Variants in TMEM184B observed in about 807,000 individuals in gnomAD.
TMEM184B encodes the protein transmembrane protein 184B.
A neutral mutation model predicts 41.8 loss-of-function variants in TMEM184B; 17 were observed. That is an observed-to-expected ratio of 0.41 (90% CI 0.28 to 0.61). The LOEUF (loss-of-function observed/expected upper bound fraction) is 0.61. Ranked by LOEUF, TMEM184B falls within the 20% of genes least tolerant of loss-of-function variation. TMEM184B has a pLI of 0.34. For synonymous variants in TMEM184B, 240 were observed against 229.5 expected (o/e 1.05, Z -0.41); for missense variants, 393 against 557.8 (o/e 0.70, Z 2.98).
At position 38,219,899 on chromosome 22, in the gene TMEM184B, T is replaced by C; in HGVS notation, c.*1570A>G. 1 of 985,382 alleles carries C rather than the reference T, an allele frequency of 1.0e-6. No homozygotes were observed. The highest frequency in any genetic ancestry group is 1.2e-6 in the Non-Finnish European group (1 of 829,936). 61.0% of individuals were successfully genotyped at this position (985,382 alleles called of 1,614,324 possible). A position where few individuals can be genotyped will look rare whatever the true frequency, so the allele number is the denominator to read the frequency against. On this transcript the variant is annotated 3_prime_UTR_variant, in exon 9 of 9. Transcript: ENST00000361906. ...GGCCTCTGGCACCCACATGCAGGCC[T>C]CTGCCACGAGGAAAGGAAGGAGGCC... is the stretch of plus-strand genomic sequence containing the variant.
At chr22:38,262,888 CTTATGT>C (rs1266151839) in intron 1 of TMEM184B, among the ~76,000 whole-genome samples, 1 of 152,104 alleles carries the variant, frequency 6.6e-6, no homozygotes, top group Non-Finnish European at 1.5e-5. Flanking sequence ...GGTTACAGTC[CTTATGT>C]TTTTAATTTA....
intron 3 of TMEM184B, among the ~76,000 whole-genome samples, chr22:38,241,756 C>T (rs1352288755): frequency 6.6e-6 from 1 of 150,958 alleles, no homozygotes; most frequent in Non-Finnish European, 1.5e-5. Context: ...TGGTGGCGGG[C>T]GCCTGTAGTC....
At position 38,224,770 on chromosome 22, in the gene TMEM184B, G is replaced by A. The variant is rs574412053; in HGVS notation, c.982+15C>T. 6.7e-5 allele frequency: 106 copies of A among 1,574,170 alleles called. No individual in the cohort carries two copies. In the Admixed American group the frequency reaches 1.4e-3, roughly 20 times the overall value. On this transcript the variant is annotated intron_variant, in intron 8 of 8. Transcript: ENST00000361906. ...GCTTCTCCCAGCGGGGGTCGCCTAGGACCCTGGCTCATACCTTGTGCGTCC... is the reference window on the plus strand; with the variant it reads ...GCTTCTCCCAGCGGGGGTCGCCTAGAACCCTGGCTCATACCTTGTGCGTCC...
chr22:38,222,838 GAA>G (rs2091300655), intron 8 of TMEM184B: 2 of 402,502 alleles, frequency 5.0e-6, no homozygotes, highest in Non-Finnish European at 6.7e-6. Context: ...GGGCACCCAG[GAA>G]GCTCCAGGTG....
chr22:38,250,751 C>A (rs1478811333), intron 1 of TMEM184B, among the ~76,000 whole-genome samples: 1 of 152,188 alleles, frequency 6.6e-6, no homozygotes, highest in Non-Finnish European at 1.5e-5. Flanking sequence ...AAACCCCCAG[C>A]TTGGACTCCC....
chr22:38,231,381 G>T, intron 3 of TMEM184B, 47 bp from the exon 4 acceptor site: 1 of 1,459,330 alleles, frequency 6.9e-7, no homozygotes, highest in Non-Finnish European at 9.6e-7. Context: ...AGCAGAATGG[G>T]TCCGCAGATG....
At chr22:38,240,732 C>CA (rs550793359) in intron 3 of TMEM184B, among the ~76,000 whole-genome samples, 3,504 of 66,218 alleles carry the variant, frequency 0.053, 14 homozygotes, top group East Asian at 0.077. Context: ...GAAAAAAAGG[C>CA]AAAAAAAAAA....
In TMEM184B at chr22:38,220,143, C is replaced by G. The variant is rs1336266428; in HGVS notation, c.*1326G>C. On this transcript the variant is annotated 3_prime_UTR_variant, in exon 9 of 9. Coordinates refer to ENST00000361906, the MANE Select transcript of TMEM184B (RefSeq NM_012264.5). ...TAGGGACACGTGTTGTGACACGAGG[C>G]TCTTCCTAAGTCAGGAGCTAGTATA... is the stretch of plus-strand genomic sequence containing the variant. 16 of 985,428 alleles carry G rather than the reference C, an allele frequency of 1.6e-5. No homozygotes were observed. Among genetic ancestry groups the G allele is most frequent in the East Asian group, 1.1e-4 (1 of 8,792 alleles). The allele number at this position is 985,428 out of a possible 1,614,324, so 61.0% of individuals were successfully genotyped here.
At chr22:38,261,792 A>G (rs1224130230) in intron 1 of TMEM184B, among the ~76,000 whole-genome samples, 1 of 152,194 alleles carries the variant, frequency 6.6e-6, no homozygotes, top group Admixed American at 6.5e-5. Context: ...ACCCCATGGG[A>G]GCAGGCTGTC....
chr22:38,224,643 TG>T (rs1452619124), intron 8 of TMEM184B, 141 bp downstream of exon 8: 16 of 807,990 alleles, frequency 2.0e-5, no homozygotes, highest in Non-Finnish European at 2.9e-5. Context: ...CCGACCTCTG[TG>T]GCCCCATTCC....
In TMEM184B at chr22:38,219,959, T is replaced by C; in HGVS notation, c.*1510A>G. ...GCTGGGCCCCAACTCTCCTCACAGG[T>C]GGCAGGGAGGGAACCTGTTCATTCC... On this transcript the variant is annotated 3_prime_UTR_variant, in exon 9 of 9. Transcript: ENST00000361906. 1 of 985,246 alleles carries C rather than the reference T, an allele frequency of 1.0e-6. No homozygotes were observed. Among genetic ancestry groups the C allele is most frequent in the Non-Finnish European group, 1.2e-6 (1 of 829,912 alleles). 61.0% of individuals were successfully genotyped at this position (985,246 alleles called of 1,614,324 possible). A position where few individuals can be genotyped will look rare whatever the true frequency, so the allele number is the denominator to read the frequency against.
intron 3 of TMEM184B, among the ~76,000 whole-genome samples, chr22:38,237,868 G>A (rs111912006): frequency 0.016 from 2,379 of 151,286 alleles, 66 homozygotes; most frequent in South Asian, 0.058. Flanking sequence ...TGGCAATGGC[G>A]CGATCTCACT....
chr22:38,262,460 G>C (rs1332711056), intron 1 of TMEM184B, among the ~76,000 whole-genome samples: 2 of 152,228 alleles, frequency 1.3e-5, no homozygotes, highest in African/African-American at 4.8e-5. Flanking sequence ...TATGAGCAAA[G>C]GCACGGAGGT....
In TMEM184B at chr22:38,260,929, G is replaced by A. The variant is rs187886812; in HGVS notation, c.-59+11955C>T. Among the ~76,000 whole-genome samples the A allele has an allele frequency of 2.0e-3, 312 of 152,324 alleles. 1 individual carries two copies. The highest frequency in any genetic ancestry group is 7.2e-3 in the African/African-American group (299 of 41,570). ...TGCCACCCACAGGCCAAGCTAAACTGGCAACCCGTTCACATATATATCCCT... is the reference window on the plus strand; with the variant it reads ...TGCCACCCACAGGCCAAGCTAAACTAGCAACCCGTTCACATATATATCCCT... On this transcript the variant is annotated intron_variant, in intron 1 of 8. Coordinates refer to ENST00000361906, the MANE Select transcript of TMEM184B (RefSeq NM_012264.5).
downstream of TMEM184B, among the ~76,000 whole-genome samples, chr22:38,217,419 T>C (rs2091162133): frequency 8.8e-6 from 1 of 113,492 alleles, no homozygotes; most frequent in South Asian, 2.9e-4. Context: ...GGCAGGCAGA[T>C]CACGAGGTCA....
At chr22:38,249,257 T>C (rs1046509054) in intron 1 of TMEM184B, among the ~76,000 whole-genome samples, 1 of 152,214 alleles carries the variant, frequency 6.6e-6, no homozygotes, top group African/African-American at 2.4e-5. Flanking sequence ...TCAAGAATCC[T>C]CCTGCCTTAG....
chr22:38,262,075 A>G (rs1317752373), intron 1 of TMEM184B, among the ~76,000 whole-genome samples: 1 of 152,254 alleles, frequency 6.6e-6, no homozygotes, highest in Non-Finnish European at 1.5e-5. Flanking sequence ...ACTCCTACGC[A>G]GCAGAGAAAA....
At chr22:38,218,822 A>T (rs143494826), downstream of TMEM184B, among the ~76,000 whole-genome samples, 223 of 152,322 alleles carry the variant, frequency 1.5e-3, 2 homozygotes, top group East Asian at 0.034. Context: ...GCAGCAAGCC[A>T]GGCCCCAAGA....
intron 5 of TMEM184B, among the ~76,000 whole-genome samples, chr22:38,228,339 C>A (rs1248283642): frequency 1.3e-5 from 2 of 152,192 alleles, no homozygotes; most frequent in Non-Finnish European, 2.9e-5. Flanking sequence ...CTCATGACAG[C>A]CCCCTGACGT....
Sources: gnomAD v4.1 joint callset for allele counts (sites outside exome capture counted in the v4.1 genomes callset) on GRCh38, gnomAD v4.1.1 for gene constraint, MANE v1.5 for transcripts, NCBI Gene and HGNC (gene_info 2026-07-23, HGNC 2026-07-21) for gene names.